Variants in PIEZO2 observed in about 807,000 individuals in gnomAD.
PIEZO2 encodes the protein piezo-type mechanosensitive ion channel component 2.
In PIEZO2, 172 loss-of-function variants were observed where a neutral mutation model predicts 337.3. The ratio of observed to expected loss-of-function variants is 0.51; its 90% CI spans 0.45 to 0.58. PIEZO2 has a LOEUF of 0.58. Among genes scored for constraint, PIEZO2 ranks in the 20% least tolerant of loss-of-function variants. The pLI, the probability that PIEZO2 is intolerant of heterozygous loss-of-function variation, is 0.00. For synonymous variants in PIEZO2, 1,251 were observed against 1,228.5 expected, an observed-to-expected ratio of 1.02 and a Z score of -0.38; for missense variants, 3,028 against 3,391.3, an observed-to-expected ratio of 0.89 and a Z score of 2.66.
chr18:10,927,766 G>C lies in PIEZO2; in HGVS notation c.287-16538C>G, dbSNP rs115103847. Among the ~76,000 whole-genome samples the C allele has an allele frequency of 8.1e-3, 1,237 of 152,176 alleles. 25 individuals are homozygous for C. The highest frequency in any genetic ancestry group is 0.028 in the African/African-American group (1,148 of 41,510). The stretch of plus-strand genomic sequence containing the variant: ...ATTTTCCTCTCTCTGTGGTTTTTCA[G>C]TAGTCCAGCTCAAAGCAAGCCAGAC... On this transcript the variant is annotated intron_variant, in intron 3 of 55. Transcript: ENST00000674853.
chr18:11,137,448 T>C (rs1368986072), intron 1 of PIEZO2, among the ~76,000 whole-genome samples: 2 of 152,244 alleles, frequency 1.3e-5, no homozygotes, highest in South Asian at 4.1e-4. Context: ...AAATATTTCT[T>C]AGCCTTGAAC....
intron 4 of PIEZO2, among the ~76,000 whole-genome samples, chr18:10,901,455 C>T (rs543284376): frequency 1.6e-4 from 24 of 151,930 alleles, no homozygotes; most frequent in Non-Finnish European, 2.8e-4. Context: ...CACACACACA[C>T]ACACTGCAGG....
Position 11,129,766 on chromosome 18 carries a change from C to T in PIEZO2, c.64+18759G>A, listed in dbSNP as rs1488665651. On this transcript the variant is annotated intron_variant, in intron 1 of 55. Transcript: ENST00000674853. The surrounding 1 kb of genome is among the most constrained non-coding windows in gnomAD (Gnocchi z 4.6). ...GATCAGACATTTCAGGGACTACTGG[C>T]TCTGGCTCTGAGCTGACGTTGGATC... is the stretch of plus-strand genomic sequence containing the variant. Among the ~76,000 whole-genome samples the T allele has an allele frequency of 6.6e-6, 1 of 152,162 alleles. No individual in the cohort carries two copies. Among genetic ancestry groups the T allele is most frequent in the Non-Finnish European group, 1.5e-5 (1 of 68,038 alleles).
chr18:11,146,244 TTA>T lies in PIEZO2; in HGVS notation c.64+2279_64+2280del, dbSNP rs2040806771. On this transcript the variant is annotated intron_variant, in intron 1 of 55. Transcript: ENST00000674853. The surrounding 1 kb of genome is among the most constrained non-coding windows in gnomAD (Gnocchi z 6.1). The stretch of plus-strand genomic sequence containing the variant: ...GACGCAGTTTGCATGTTGGCCAAGG[TTA>T]TTATCTTGTCGCCCCTGGAAGCCGA... 6.6e-6 allele frequency among the ~76,000 whole-genome samples: 1 copy of T among 151,950 alleles called. No individual in the cohort carries two copies. Among genetic ancestry groups the T allele is most frequent in the African/African-American group, 2.4e-5 (1 of 41,350 alleles).
intron 7 of PIEZO2, among the ~76,000 whole-genome samples, chr18:10,831,703 T>C (rs549305926): frequency 6.6e-6 from 1 of 152,338 alleles, no homozygotes; most frequent in Admixed American, 6.5e-5. Flanking sequence ...GGATACCCAT[T>C]TAACCTGATG....
At position 11,127,803 on chromosome 18, in the gene PIEZO2, A is replaced by ATGTGTGTGTGTGTGTG. The variant is rs34849868; in HGVS notation, c.64+20706_64+20721dup. On this transcript the variant is annotated intron_variant, in intron 1 of 55. Transcript: ENST00000674853. The surrounding 1 kb of genome is among the most constrained non-coding windows in gnomAD (Gnocchi z 4.5). ...TGCATATACGTGTGTGTGTGTGTGC[A>ATGTGTGTGTGTGTGTG]TGTGTGTGTGTGTGTGTGTGTGTAT... Among the ~76,000 whole-genome samples the ATGTGTGTGTGTGTGTG allele has an allele frequency of 7.5e-5, 11 of 146,830 alleles. No individual in the cohort carries two copies. Among genetic ancestry groups the ATGTGTGTGTGTGTGTG allele is most frequent in the East Asian group, 2.0e-4 (1 of 5,014 alleles).
chr18:11,133,686 G>C (rs774702647), intron 1 of PIEZO2, among the ~76,000 whole-genome samples: 1 of 152,004 alleles, frequency 6.6e-6, no homozygotes, highest in Non-Finnish European at 1.5e-5. Flanking sequence ...CAGACTCCAA[G>C]TTCTTCAGTT....
rs1598774977 is a variant in PIEZO2 at position 10,979,111 on chromosome 18, T to C, written c.286+424A>G. Among the ~76,000 whole-genome samples the C allele has an allele frequency of 6.6e-6, 1 of 152,170 alleles. No individual in the cohort carries two copies. The highest frequency in any genetic ancestry group is 2.4e-5 in the African/African-American group (1 of 41,460). ...ACATGAGAAATTTTAACATTGTTCT[T>C]TGTAATAGGATTAATGTCATAGTCA... is the stretch of plus-strand genomic sequence containing the variant. On this transcript the variant is annotated intron_variant, in intron 3 of 55. Transcript: ENST00000674853. The surrounding 1 kb of genome is among the most constrained non-coding windows in gnomAD (Gnocchi z 4.0).
rs542543496 is a variant in PIEZO2 at position 11,028,526 on chromosome 18, G to T, written c.160+37601C>A. On this transcript the variant is annotated intron_variant, in intron 2 of 55. Transcript: ENST00000674853. This position sits in a 1 kb window ranked among gnomAD's most constrained non-coding sequence, Gnocchi z 4.8. ...TCCGCCAGCCTTGGACTCCCAAAGTGCTGGGATTACAGGTGTGAGCTACCG... is the reference window on the plus strand; with the variant it reads ...TCCGCCAGCCTTGGACTCCCAAAGTTCTGGGATTACAGGTGTGAGCTACCG... 8.9e-4 allele frequency among the ~76,000 whole-genome samples: 135 copies of T among 152,274 alleles called. 1 individual carries two copies. Among genetic ancestry groups the T allele is most frequent in the African/African-American group, 3.1e-3 (127 of 41,538 alleles).
Position 11,149,450 on chromosome 18 carries a change from A to G in PIEZO2, c.-862T>C, listed in dbSNP as rs2146318893. Among the ~76,000 whole-genome samples the G allele has an allele frequency of 6.6e-6, 1 of 151,264 alleles. No homozygotes were observed. Among genetic ancestry groups the G allele is most frequent in the East Asian group, 2.0e-4 (1 of 5,028 alleles). ...CCCTCCTCCACCGCCTCAATTTAAA[A>G]CTCAAGAGAAAAACCAGCGCCGTCC... On this transcript the variant is annotated 5_prime_UTR_variant, in exon 1 of 56. Transcript: ENST00000674853. The surrounding 1 kb of genome is among the most constrained non-coding windows in gnomAD (Gnocchi z 8.7).
rs556062953 is a variant in PIEZO2 at position 10,948,620 on chromosome 18, G to A, written c.286+30915C>T. ...AATCACTTTGGCGATAGAGATACGCGCTCGAGTGCTGTGGGGTACTGTGTG... is the reference window on the plus strand; with the variant it reads ...AATCACTTTGGCGATAGAGATACGCACTCGAGTGCTGTGGGGTACTGTGTG... On this transcript the variant is annotated intron_variant, in intron 3 of 55. Transcript: ENST00000674853. Among the ~76,000 whole-genome samples the A allele has an allele frequency of 3.3e-4, 50 of 152,254 alleles. 1 individual carries two copies. The highest frequency in any genetic ancestry group is 3.1e-3 in the Admixed American group (48 of 15,290).
Position 10,988,806 on chromosome 18 carries a change from A to G in PIEZO2, c.161-9146T>C, listed in dbSNP as rs1461249440. Reference sequence around the variant, plus strand: ...ATATGACTAGACATGGAGGGAGGGCATTACGTTAAGTGAAATAAGCTAGAC... The same window carrying G: ...ATATGACTAGACATGGAGGGAGGGCGTTACGTTAAGTGAAATAAGCTAGAC... On this transcript the variant is annotated intron_variant, in intron 2 of 55. Transcript: ENST00000674853. The surrounding 1 kb of genome is among the most constrained non-coding windows in gnomAD (Gnocchi z 4.8). Among the ~76,000 whole-genome samples, 1 of 152,200 alleles carries G rather than the reference A, an allele frequency of 6.6e-6. No individual in the cohort carries two copies. The highest frequency in any genetic ancestry group is 1.5e-5 in the Non-Finnish European group (1 of 68,026).
At chr18:10,675,694 T>A (rs1448444034) in intron 53 of PIEZO2, among the ~76,000 whole-genome samples, 1 of 152,134 alleles carries the variant, frequency 6.6e-6, no homozygotes, top group Admixed American at 6.5e-5. Flanking sequence ...GCTGATATGG[T>A]TTGGTTGTGT....
At chr18:10,898,518 T>C (rs1021074381) in intron 4 of PIEZO2, among the ~76,000 whole-genome samples, 1 of 152,190 alleles carries the variant, frequency 6.6e-6, no homozygotes, top group Non-Finnish European at 1.5e-5. Flanking sequence ...TAGTGAGAGA[T>C]AATTTGACTG....
chr18:10,782,255 T>A (rs1372932165), intron 17 of PIEZO2, among the ~76,000 whole-genome samples: 2 of 104,828 alleles, frequency 1.9e-5, no homozygotes, highest in African/African-American at 7.3e-5. Context: ...TATGATATAT[T>A]ATATTATTAT....
rs964427134 is a variant in PIEZO2, at chr18:10,740,617, T to A, written c.4708+414A>T. The A allele has an allele frequency of 3.7e-5, 9 of 241,194 alleles. 1 individual carries two copies. The South Asian group carries it at 5.5e-4, about 15-fold the overall frequency. The allele number at this position is 241,194 out of a possible 1,614,324, so 14.9% of individuals were successfully genotyped here. A position where few individuals can be genotyped will look rare whatever the true frequency, so the allele number is the denominator to read the frequency against. ...AGGGTCACTGACCCTTTGAATAGAA[T>A]GATCATCCTTAAATCAGAGTCCAAG... On this transcript the variant is annotated intron_variant, in intron 33 of 55. Transcript: ENST00000674853.
In PIEZO2 at chr18:11,027,393, G is replaced by T. The variant is rs190454601; in HGVS notation, c.160+38734C>A. Among the ~76,000 whole-genome samples the T allele has an allele frequency of 8.5e-5, 13 of 152,302 alleles. No individual in the cohort carries two copies. In the East Asian group the frequency reaches 2.5e-3, roughly 29 times the overall value. ...CAGGAATTGCCTGGTCAGAGCAAAG[G>T]GGGCACGCTGAGGTGCGCTAGGAAT... On this transcript the variant is annotated intron_variant, in intron 2 of 55. Coordinates refer to ENST00000674853, the MANE Select transcript of PIEZO2 (RefSeq NM_001378183.1). This position sits in a 1 kb window ranked among gnomAD's most constrained non-coding sequence, Gnocchi z 4.2.
intron 52 of PIEZO2, among the ~76,000 whole-genome samples, chr18:10,679,007 A>C (rs1237936678): frequency 6.8e-6 from 1 of 147,190 alleles, no homozygotes; most frequent in Non-Finnish European, 1.5e-5. Flanking sequence ...ATCTCAGCTC[A>C]CTGCAACCTC....
intron 1 of PIEZO2, among the ~76,000 whole-genome samples, chr18:11,134,035 G>A (rs1342645961): frequency 3.9e-5 from 6 of 152,250 alleles, no homozygotes; most frequent in Middle Eastern, 3.4e-3. Flanking sequence ...CTTTTTAAGT[G>A]CAACGAGAAA....
Sources: gnomAD v4.1 joint callset for allele counts (sites outside exome capture counted in the v4.1 genomes callset) on GRCh38, gnomAD v4.1.1 for gene constraint, Gnocchi (gnomAD v3.1) non-coding constraint, MANE v1.5 for transcripts, NCBI Gene and HGNC (gene_info 2026-07-23, HGNC 2026-07-21) for gene names.